The following RNF212B variants were observed in gnomAD, a reference collection of about 807,000 sequenced individuals.
The protein encoded by RNF212B is ring finger protein 212B, also known as E3 ubiquitin-protein ligase RNF212B.
RNF212B carries 52 observed loss-of-function variants against 55.5 expected under a neutral mutation model. The observed-to-expected ratio is 0.94, with a 90% confidence interval of 0.75 to 1.18. RNF212B has a LOEUF of 1.18. Among genes scored for constraint, RNF212B ranks in the 50% most tolerant of loss-of-function variants. The pLI is 0.00. For missense variants in RNF212B, 289 were observed against 350.4 expected (o/e 0.82, Z 1.40); for synonymous variants, 99 against 121.4 (o/e 0.82, Z 1.21).
intron 4 of RNF212B, among the ~76,000 whole-genome samples, chr14:23,256,964 C>T (rs1876021056): frequency 6.6e-6 from 1 of 152,038 alleles, no homozygotes; most frequent in African/African-American, 2.4e-5. Context: ...ACCAGTCTGA[C>T]CAACATGGTG....
chr14:23,212,071 C>T (rs1235391809), intron 2 of RNF212B, among the ~76,000 whole-genome samples: 2 of 152,164 alleles, frequency 1.3e-5, no homozygotes, highest in Non-Finnish European at 2.9e-5. Flanking sequence ...AAGCATTTAA[C>T]ACAATCCAAT....
At position 23,244,394 on chromosome 14, in the gene RNF212B, C is replaced by A; in HGVS notation, c.226C>A (p.Gln76Lys). 6.6e-7 allele frequency: 1 copy of A among 1,526,604 alleles called. No homozygotes were observed. Among genetic ancestry groups the A allele is most frequent in the Non-Finnish European group, 8.8e-7 (1 of 1,132,572 alleles). The allele number at this position is 1,526,604 out of a possible 1,614,324, so 94.6% of individuals were successfully genotyped here. ...TALQYFSHIS[Q>K]VWSFQKKQTD... ...TTTGCAGTATTTTAGTCACATCTCT[C>A]AGGTATGAGAAACAAAAGTGAAGAA... Residue 76 changes from glutamine to lysine, a missense_variant and splice_region_variant, in exon 4 of 15, where the codon CAG (glutamine) becomes AAG (lysine). Physicochemically the swap from Gln to Lys is moderately conservative, Grantham distance 53. Coordinates refer to ENST00000430154, the MANE Select transcript of RNF212B (RefSeq NM_001282322.3).
Position 23,258,391 on chromosome 14 carries a change from T to G in RNF212B, c.229-158T>G, listed in dbSNP as rs1363137490. ...AGGCTAGTGTCCTGGAAATGAGTGC[T>G]GAGCTCTCTAGTTCTGGGAAGTTGT... On this transcript the variant is annotated intron_variant, in intron 4 of 14. Coordinates refer to ENST00000430154, the MANE Select transcript of RNF212B (RefSeq NM_001282322.3). The G allele has an allele frequency of 1.6e-5, 6 of 385,042 alleles. No homozygotes were observed. In the East Asian group the frequency reaches 2.4e-4, roughly 15 times the overall value. 23.9% of individuals were successfully genotyped at this position (385,042 alleles called of 1,614,324 possible). A position where few individuals can be genotyped will look rare whatever the true frequency, so the allele number is the denominator to read the frequency against.
At chr14:23,269,673 C>T (rs1885934342) in intron 12 of RNF212B, among the ~76,000 whole-genome samples, 190 bp from the exon 13 acceptor site, 3 of 151,474 alleles carry the variant, frequency 2.0e-5, no homozygotes, top group Admixed American at 2.0e-4. Flanking sequence ...GATCATACTA[C>T]TGCACTCCAA....
upstream of RNF212B, among the ~76,000 whole-genome samples, chr14:23,234,329 T>G (rs1252141183): frequency 2.9e-5 from 3 of 103,794 alleles, no homozygotes; most frequent in Non-Finnish European, 6.6e-5. Flanking sequence ...TGCAAAAAGT[T>G]TTTTTTAAAA....
upstream of RNF212B, among the ~76,000 whole-genome samples, chr14:23,233,872 G>A (rs189331232): frequency 7.9e-3 from 1,196 of 152,112 alleles, 23 homozygotes; most frequent in African/African-American, 0.027. Context: ...CAAGGTGGGC[G>A]GATCACCTGA....
chr14:23,264,591 T>G, intron 10 of RNF212B, 32 bp from the exon 11 acceptor site: 1 of 1,299,184 alleles, frequency 7.7e-7, no homozygotes, highest in Non-Finnish European at 1.0e-6. Context: ...TGAGATATAT[T>G]TATTAATTGA....
intron 2 of RNF212B, among the ~76,000 whole-genome samples, chr14:23,225,702 T>C (rs1474915494): frequency 6.6e-6 from 1 of 151,738 alleles, no homozygotes; most frequent in Non-Finnish European, 1.5e-5. Context: ...AGTTAATGCA[T>C]ACCAAAAAAA....
At chr14:23,207,926 C>T (rs116450656) in intron 2 of RNF212B, among the ~76,000 whole-genome samples, 23,368 of 152,138 alleles carry the variant, frequency 0.15, 2,184 homozygotes, top group South Asian at 0.31. Flanking sequence ...AGACTCTAAG[C>T]GGAGAGGGGG....
Position 23,243,376 on chromosome 14 carries a change from G to A in RNF212B, c.153+68G>A, listed in dbSNP as rs1883741418. On this transcript the variant is annotated intron_variant, in intron 3 of 14. Transcript: ENST00000430154. Reference sequence around the variant, plus strand: ...CTGGCCTGTAGGAAGTATATACAAAGTACAGATGATGAATTGTTTCAAAAA... The same window carrying A: ...CTGGCCTGTAGGAAGTATATACAAAATACAGATGATGAATTGTTTCAAAAA... The A allele has an allele frequency of 4.7e-6, 6 of 1,282,334 alleles. No individual in the cohort carries two copies. The East Asian group carries it at 7.7e-5, about 16-fold the overall frequency. 79.4% of individuals were successfully genotyped at this position (1,282,334 alleles called of 1,614,324 possible).
intron 5 of RNF212B, among the ~76,000 whole-genome samples, chr14:23,259,002 C>T (rs11622414): frequency 0.15 from 22,253 of 150,648 alleles, 1,808 homozygotes; most frequent in Non-Finnish European, 0.18. Context: ...GGCAACACAG[C>T]GAGACTCTGT....
At chr14:23,260,909 C>G (rs1489976710) in intron 7 of RNF212B, among the ~76,000 whole-genome samples, 1 of 152,156 alleles carries the variant, frequency 6.6e-6, no homozygotes, top group African/African-American at 2.4e-5. Context: ...AATGCTTGTT[C>G]CCTGGTGCCA....
chr14:23,238,771 A>ATC (rs774466922), intron 1 of RNF212B, among the ~76,000 whole-genome samples: 38 of 112,032 alleles, frequency 3.4e-4, no homozygotes, highest in African/African-American at 8.6e-4. Flanking sequence ...TAATAATAAT[A>ATC]ATAATAATAA....
chr14:23,258,695 T>C (rs755245355), intron 5 of RNF212B, 31 bp downstream of exon 5: 2 of 106,532 alleles, frequency 1.9e-5, no homozygotes, highest in Non-Finnish European at 2.7e-5. Context: ...CAAGAGAGCT[T>C]TTTTTTTTTT....
At chr14:23,190,174 T>C (rs1333367392) in intron 1 of RNF212B, among the ~76,000 whole-genome samples, 1 of 152,158 alleles carries the variant, frequency 6.6e-6, no homozygotes, top group Admixed American at 6.5e-5. Context: ...TTCTCTTCTC[T>C]ATCCTCCCTC....
chr14:23,265,868 T>A (rs2140482899), intron 11 of RNF212B, among the ~76,000 whole-genome samples: 1 of 152,366 alleles, frequency 6.6e-6, no homozygotes, highest in African/African-American at 2.4e-5. Flanking sequence ...GAGATCTTTT[T>A]TACTATTGAT....
upstream of RNF212B, among the ~76,000 whole-genome samples, chr14:23,233,365 C>T (rs1429947471): frequency 6.7e-6 from 1 of 149,444 alleles, no homozygotes; most frequent in Non-Finnish European, 1.5e-5. Flanking sequence ...ATGACCCTGC[C>T]AAATGCCCCT....
intron 2 of RNF212B, among the ~76,000 whole-genome samples, chr14:23,195,267 A>G (rs967853896): frequency 7.3e-6 from 1 of 137,540 alleles, no homozygotes; most frequent in Non-Finnish European, 1.5e-5. Flanking sequence ...GTCTCTAAAG[A>G]AAAAAAAAAA....
chr14:23,255,024 CATCT>C (rs1884722413), intron 4 of RNF212B, among the ~76,000 whole-genome samples: 1 of 152,166 alleles, frequency 6.6e-6, no homozygotes, highest in African/African-American at 2.4e-5. Flanking sequence ...GCTGACAGTT[CATCT>C]GATCTTCCAA....
Sources: allele counts gnomAD v4.1 joint callset (sites outside exome capture counted in the v4.1 genomes callset), GRCh38; gene constraint gnomAD v4.1.1; transcripts MANE v1.5; gene names NCBI Gene and HGNC (gene_info 2026-07-23, HGNC 2026-07-21).